The following KIAA1217 variants were observed in gnomAD, a reference collection of about 807,000 sequenced individuals.
KIAA1217 encodes the protein KIAA1217.
A neutral mutation model predicts 163.9 loss-of-function variants in KIAA1217; 88 were observed. That is an observed-to-expected ratio of 0.54 (90% CI 0.45 to 0.64). KIAA1217 has a LOEUF of 0.64. Among genes scored for constraint, KIAA1217 ranks in the 30% least tolerant of loss-of-function variants. The pLI is 0.00. For missense variants in KIAA1217, 2,372 were observed against 2,475.0 expected (o/e 0.96, Z 0.88); for synonymous variants, 903 against 923.1 (o/e 0.98, Z 0.39).
intron 2 of KIAA1217, among the ~76,000 whole-genome samples, chr10:24,326,555 T>C (rs1324262129): frequency 6.6e-6 from 1 of 152,222 alleles, no homozygotes; most frequent in East Asian, 1.9e-4. Context: ...TCTAAAGGTG[T>C]GAAAGGCATG....
intron 1 of KIAA1217, among the ~76,000 whole-genome samples, chr10:23,814,253 A>G (rs891406881): frequency 6.6e-6 from 1 of 152,172 alleles, no homozygotes; most frequent in South Asian, 2.1e-4. Context: ...GAATGAGTGG[A>G]TCATTCTGCT....
At chr10:24,369,179 ATGTGTGTGTGTGTGTGTGTGTG>A in intron 2 of KIAA1217, among the ~76,000 whole-genome samples, 1 of 139,638 alleles carries the variant, frequency 7.2e-6, no homozygotes, top group Non-Finnish European at 1.5e-5. Context: ...AACTTTCACT[ATGTGTGTGTGTGTGTGTGTGTG>A]TGTGTGTGTG....
rs536581162 is a variant in KIAA1217 at position 24,338,434 on chromosome 10, G to T, written c.355-42435G>T. On this transcript the variant is annotated intron_variant, in intron 2 of 20. Transcript: ENST00000376454. ...GGCCTGAAAAAAAATGACATTGGCT[G>T]CCCCTTGCTTCTGAAGGACTTACAG... 4.6e-5 allele frequency among the ~76,000 whole-genome samples: 7 copies of T among 152,258 alleles called. No individual in the cohort carries two copies. In the South Asian group the frequency reaches 6.2e-4, roughly 14 times the overall value.
chr10:24,194,267 G>A (rs1323227181), intron 2 of KIAA1217, among the ~76,000 whole-genome samples: 1 of 143,496 alleles, frequency 7.0e-6, no homozygotes, highest in Non-Finnish European at 1.5e-5. Context: ...ACCAATCTTG[G>A]CCTTCATTTC....
intron 10 of KIAA1217, among the ~76,000 whole-genome samples, chr10:24,515,218 C>A (rs1401434664): frequency 2.0e-5 from 3 of 151,628 alleles, no homozygotes; most frequent in Admixed American, 6.6e-5. Context: ...CAGGTGCACA[C>A]CATGATGCCC....
At chr10:23,717,461 G>C (rs994243639) in intron 1 of KIAA1217, among the ~76,000 whole-genome samples, 7 of 152,060 alleles carry the variant, frequency 4.6e-5, no homozygotes, top group African/African-American at 1.7e-4. Context: ...CACAAGGCGA[G>C]TTTTGGCCAT....
rs190702874 is a variant in KIAA1217 at position 24,450,090 on chromosome 10, T to C, written c.846+11611T>C. On this transcript the variant is annotated intron_variant, in intron 5 of 20. Transcript: ENST00000376454. ...AGTTTGCTTTTACAGGTCTTGTTGA[T>C]TTATGTGCTCTGTGACAATTTTCAG... Among the ~76,000 whole-genome samples the C allele has an allele frequency of 1.5e-4, 23 of 152,298 alleles. 1 individual carries two copies. The highest frequency in any genetic ancestry group is 5.5e-4 in the African/African-American group (23 of 41,578).
intron 1 of KIAA1217, among the ~76,000 whole-genome samples, chr10:23,849,765 C>T (rs1839214865): frequency 1.3e-5 from 2 of 152,124 alleles, no homozygotes; most frequent in Admixed American, 6.6e-5. Context: ...TACTTTCCCT[C>T]TCATTCCCTA....
intron 2 of KIAA1217, among the ~76,000 whole-genome samples, chr10:24,220,130 A>G (rs1290312105): frequency 6.6e-6 from 1 of 152,118 alleles, no homozygotes; most frequent in Non-Finnish European, 1.5e-5. Context: ...AGAGAACAGG[A>G]GGCCAGGCCA....
chr10:24,204,967 C>T (rs908113492), upstream of KIAA1217, among the ~76,000 whole-genome samples: 3 of 152,168 alleles, frequency 2.0e-5, no homozygotes, highest in South Asian at 4.1e-4. Flanking sequence ...TTAATTGACT[C>T]TCACAGTTAT....
intron 1 of KIAA1217, among the ~76,000 whole-genome samples, chr10:23,879,051 G>C (rs1031729268): frequency 1.3e-5 from 2 of 151,812 alleles, no homozygotes; most frequent in Non-Finnish European, 2.9e-5. Context: ...TGGGCAGTTG[G>C]ATATGAAAGT....
chr10:24,307,609 CTCCAAAAAAAAAAAAAA>C (rs2042146621), intron 2 of KIAA1217, among the ~76,000 whole-genome samples: 1 of 124,310 alleles, frequency 8.0e-6, no homozygotes, highest in African/African-American at 4.4e-5. Context: ...GACCCCATCT[CTCCAAAAAAAAAAAAAA>C]AAATATTAGC....
intron 5 of KIAA1217, among the ~76,000 whole-genome samples, chr10:24,445,367 A>G (rs2060831912): frequency 6.6e-6 from 1 of 152,064 alleles, no homozygotes; most frequent in African/African-American, 2.4e-5. Context: ...TTTATTAAAC[A>G]TTTGTTTCAT....
chr10:23,880,751 T>C (rs1840914471), intron 1 of KIAA1217, among the ~76,000 whole-genome samples: 1 of 151,818 alleles, frequency 6.6e-6, no homozygotes, highest in Non-Finnish European at 1.5e-5. Flanking sequence ...CCATAAAAAT[T>C]AAAAATTAAA....
chr10:23,952,715 T>G (rs1225795758), intron 1 of KIAA1217, among the ~76,000 whole-genome samples: 1 of 152,252 alleles, frequency 6.6e-6, no homozygotes, highest in Non-Finnish European at 1.5e-5. Context: ...ATTTTTGTGT[T>G]GTTACAAGGA....
Position 23,768,827 on chromosome 10 carries a change from T to C in KIAA1217, c.-321+73593T>C, listed in dbSNP as rs16923829. ...TGCCTCATGGGAATGCTTGGAGCTA[T>C]GGATGATGTAGGTTTGTCTGGGTCT... On this transcript the variant is annotated intron_variant, in intron 1 of 18. Transcript: ENST00000376462. Among the ~76,000 whole-genome samples the C allele has an allele frequency of 7.8e-3, 1,182 of 152,226 alleles. 21 individuals are homozygous for C. The highest frequency in any genetic ancestry group is 0.025 in the African/African-American group (1,042 of 41,536).
At chr10:23,985,661 C>A (rs764783662) in intron 1 of KIAA1217, among the ~76,000 whole-genome samples, 1 of 152,206 alleles carries the variant, frequency 6.6e-6, no homozygotes, top group East Asian at 1.9e-4. Flanking sequence ...CAATGCATAA[C>A]AAGCAAAGTC....
At chr10:24,179,322 G>A (rs2066058975) in intron 2 of KIAA1217, among the ~76,000 whole-genome samples, 1 of 151,972 alleles carries the variant, frequency 6.6e-6, no homozygotes, top group African/African-American at 2.4e-5. Context: ...TCATGGGGGT[G>A]GTTTCTAATG....
At position 24,546,002 on chromosome 10, in the gene KIAA1217, C is replaced by T; in HGVS notation, c.5510C>T (p.Ser1837Phe). Residue 1837 changes from serine (S) to phenylalanine (F), a missense_variant, in exon 21 of 21, where the codon TCT becomes TTT. Physicochemically the swap from Ser to Phe is radical, Grantham distance 155 (BLOSUM62 -2). This residue lies in a region of KIAA1217 where 690 missense variants were observed against 677.5 expected (regional missense o/e 1.02). Coordinates refer to ENST00000376454, the MANE Select transcript of KIAA1217 (RefSeq NM_019590.5). ...CCTGCTACTAAACCATCGATTGCTT[C>T]TAACCCTCTCAGCCCCCAAACAGGA... is the stretch of plus-strand genomic sequence containing the variant. ...NPPATKPSIA[S>F]NPLSPQTGPP... 1 of 1,614,182 alleles carries T rather than the reference C, an allele frequency of 6.2e-7. No homozygotes were observed. The highest frequency in any genetic ancestry group is 8.5e-7 in the Non-Finnish European group (1 of 1,180,018).
Sources: gnomAD v4.1 joint callset for allele counts (sites outside exome capture counted in the v4.1 genomes callset) on GRCh38, gnomAD v4.1.1 for gene constraint, gnomAD v4.1.1 regional missense constraint, MANE v1.5 for transcripts, NCBI Gene and HGNC (gene_info 2026-07-23, HGNC 2026-07-21) for gene names.